The following CACNA1A variants were observed in gnomAD, a reference collection of about 807,000 sequenced individuals.
CACNA1A encodes calcium voltage-gated channel subunit alpha1 A, also known as voltage-dependent P/Q-type calcium channel subunit alpha-1A.
CACNA1A carries 57 observed loss-of-function variants against 262.4 expected under a neutral mutation model. The ratio of observed to expected loss-of-function variants is 0.22; its 90% confidence interval spans 0.18 to 0.27. The LOEUF (loss-of-function observed/expected upper bound fraction) is 0.27, where lower values mean the gene tolerates loss of function less well. Among genes scored for constraint, CACNA1A ranks in the 10% least tolerant of loss-of-function variants. CACNA1A has a pLI of 1.00. For missense variants in CACNA1A, 2,526 were observed against 3,562.8 expected, an observed-to-expected ratio of 0.71 and a Z score of 7.41; for synonymous variants, 1,431 against 1,419.3, an observed-to-expected ratio of 1.01 and a Z score of -0.18.
At chr19:13,349,185 C>G (rs2058855789) in intron 6 of CACNA1A, among the ~76,000 whole-genome samples, 1 of 152,100 alleles carries the variant, frequency 6.6e-6, no homozygotes, top group East Asian at 1.9e-4. Context: ...GTTTCCTCAT[C>G]TGGAAGATGG....
At chr19:13,311,504 T>C (rs932043224) in intron 12 of CACNA1A, among the ~76,000 whole-genome samples, 4 of 152,254 alleles carry the variant, frequency 2.6e-5, no homozygotes, top group Admixed American at 6.5e-5. Context: ...AACATAATTT[T>C]CTATAATGGC....
At chr19:13,359,542 G>A (rs2059065437) in intron 6 of CACNA1A, 64 bp downstream of exon 6, 3 of 1,321,014 alleles carry the variant, frequency 2.3e-6, no homozygotes, top group Admixed American at 3.9e-5. Flanking sequence ...GAGTCTCACT[G>A]GTCCCAGGAG....
chr19:13,331,237 GCTTT>G (rs1232049214), intron 9 of CACNA1A, among the ~76,000 whole-genome samples: 3 of 152,040 alleles, frequency 2.0e-5, no homozygotes, highest in Admixed American at 1.3e-4. Context: ...TGTCTAACCA[GCTTT>G]CTTTCTTTTT....
chr19:13,420,072 C>A (rs895161545), intron 3 of CACNA1A, among the ~76,000 whole-genome samples: 3 of 151,726 alleles, frequency 2.0e-5, no homozygotes, highest in Non-Finnish European at 4.4e-5. Flanking sequence ...CAGAGCGGGA[C>A]TCTATCTCAA....
At chr19:13,299,394 A>C in intron 18 of CACNA1A, 41 bp from the exon 19 acceptor site, 1 of 1,575,450 alleles carries the variant, frequency 6.3e-7, no homozygotes, top group Non-Finnish European at 8.6e-7. Context: ...ATTGCTAGGC[A>C]CTGTAGCTTG....
intron 1 of CACNA1A, among the ~76,000 whole-genome samples, chr19:13,471,159 C>G (rs1203277647): frequency 1.3e-5 from 2 of 152,144 alleles, no homozygotes; most frequent in African/African-American, 4.8e-5. Flanking sequence ...CATGGAATCT[C>G]GAGTCCACTG....
In CACNA1A at chr19:13,227,547, AAAAAAC is replaced by A. The variant is rs754077643; in HGVS notation, c.5529-26_5529-21del. The A allele has an allele frequency of 3.7e-5, 55 of 1,496,710 alleles. No homozygotes were observed. The highest frequency in any genetic ancestry group is 9.7e-5 in the African/African-American group (7 of 71,900). 92.7% of individuals were successfully genotyped at this position (1,496,710 alleles called of 1,614,324 possible). On this transcript the variant is annotated intron_variant, in intron 36 of 46. Coordinates refer to ENST00000360228, the MANE Select transcript of CACNA1A (RefSeq NM_001127222.2). ...CGGCCCCTGGCAGCACCGAAAATGA[AAAAAAC>A]AAAAACAAAAACAAAAAAACAAAAC...
At chr19:13,385,331 G>A (rs1399777157) in intron 3 of CACNA1A, among the ~76,000 whole-genome samples, 1 of 150,552 alleles carries the variant, frequency 6.6e-6, no homozygotes, top group East Asian at 2.0e-4. Context: ...CCAGGTTCAA[G>A]CGATTCTCCT....
chr19:13,503,375 A>G (rs1194711543), intron 1 of CACNA1A, among the ~76,000 whole-genome samples: 1 of 151,964 alleles, frequency 6.6e-6, no homozygotes, highest in Non-Finnish European at 1.5e-5. Context: ...GTAAAAATCT[A>G]TGCATCTGAA....
intron 10 of CACNA1A, among the ~76,000 whole-genome samples, chr19:13,327,713 C>A (rs1386961756): frequency 6.6e-6 from 1 of 151,736 alleles, no homozygotes; most frequent in Non-Finnish European, 1.5e-5. Context: ...GCTGGGATTA[C>A]AGGCTCACGC....
At chr19:13,281,124 T>C (rs887353625) in intron 22 of CACNA1A, among the ~76,000 whole-genome samples, 1 of 151,936 alleles carries the variant, frequency 6.6e-6, no homozygotes, top group Non-Finnish European at 1.5e-5. Flanking sequence ...TACATGCCTG[T>C]AATTCCAGAG....
At chr19:13,496,048 CCA>C (rs1981476067) in intron 1 of CACNA1A, among the ~76,000 whole-genome samples, 2 of 5,006 alleles carry the variant, frequency 4.0e-4, no homozygotes, top group Non-Finnish European at 1.8e-3. Context: ...GTTCAACCAT[CCA>C]TCCATCCATC....
chr19:13,506,357 C>T lies in CACNA1A; in HGVS notation c.-133G>A. ...GCGGCTGGAGCTACGACTGCGGAGA[C>T]GCTCCACGGCCCAGCCCATCGGGCG... is the stretch of plus-strand genomic sequence containing the variant. On this transcript the variant is annotated 5_prime_UTR_variant, in exon 1 of 47. Coordinates refer to ENST00000360228, the MANE Select transcript of CACNA1A (RefSeq NM_001127222.2). 1.3e-6 allele frequency: 1 copy of T among 774,062 alleles called. No homozygotes were observed. Among genetic ancestry groups the T allele is most frequent in the Non-Finnish European group, 1.8e-6 (1 of 542,894 alleles). The allele number at this position is 774,062 out of a possible 1,614,324, so 47.9% of individuals were successfully genotyped here.
chr19:13,207,911 C>T lies in CACNA1A; in HGVS notation c.6923G>A (p.Gly2308Asp). ...CTGCTGCTGCTGCGGGGGCCCCGAG[C>T]CGCCGGCCTTACGGATCACAGGGGA... is the stretch of plus-strand genomic sequence containing the variant. ...SYSPVIRKAGGSGPPQQQQQQ... is the reference protein window; with the variant it reads ...SYSPVIRKAGDSGPPQQQQQQ... The change falls in exon 47 of 47, where the codon GGC becomes GAC. Residue 2308 changes from glycine to aspartate, a missense_variant. By Grantham distance (94) the Gly-to-Asp change is moderately conservative. Around this residue, in one of 17 missense-constraint regions of CACNA1A, gnomAD observed 929 missense variants for 868.1 expected, o/e 1.07. Transcript: ENST00000360228. This position sits in a 1 kb window ranked among gnomAD's most constrained non-coding sequence, Gnocchi z 5.7. The T allele has an allele frequency of 2.0e-6, 3 of 1,466,216 alleles. No homozygotes were observed. The highest frequency in any genetic ancestry group is 1.4e-5 in the South Asian group (1 of 72,850). 90.8% of individuals were successfully genotyped at this position (1,466,216 alleles called of 1,614,324 possible).
At position 13,224,826 on chromosome 19, in the gene CACNA1A, C is replaced by T. The variant is rs2055375086; in HGVS notation, c.5626-54G>A. 3.7e-6 allele frequency: 5 copies of T among 1,359,310 alleles called. No individual in the cohort carries two copies. The South Asian group carries it at 3.7e-5, about 10-fold the overall frequency. 84.2% of individuals were successfully genotyped at this position (1,359,310 alleles called of 1,614,324 possible). On this transcript the variant is annotated intron_variant, in intron 37 of 46. Transcript: ENST00000360228. Reference sequence around the variant, plus strand: ...ATTCCCAGGCATCCCTCCTGGGTCTCCCGTGAGCCGCGCCCGCCCCTACCC... The same window carrying T: ...ATTCCCAGGCATCCCTCCTGGGTCTTCCGTGAGCCGCGCCCGCCCCTACCC...
At chr19:13,261,292 T>C (rs2056728620) in intron 26 of CACNA1A, 158 bp downstream of exon 26, 1 of 619,486 alleles carries the variant, frequency 1.6e-6, no homozygotes, top group South Asian at 2.5e-5. Flanking sequence ...CTAAAACCGG[T>C]TTTCTTTCTA....
chr19:13,263,682 A>C (rs1021749543), intron 24 of CACNA1A, among the ~76,000 whole-genome samples: 22 of 151,834 alleles, frequency 1.4e-4, no homozygotes, highest in African/African-American at 5.1e-4. Flanking sequence ...CACCATGCCC[A>C]GCTAACTTTT....
At chr19:13,447,301 G>A (rs1013867042) in intron 3 of CACNA1A, among the ~76,000 whole-genome samples, 1 of 152,202 alleles carries the variant, frequency 6.6e-6, no homozygotes, top group Non-Finnish European at 1.5e-5. Context: ...TCTAGATGAA[G>A]TATTTCTCCT....
intron 24 of CACNA1A, chr19:13,271,661 C>G (rs1474909531): frequency 6.6e-6 from 1 of 152,160 alleles, no homozygotes; most frequent in Middle Eastern, 3.2e-3. Flanking sequence ...ATGGCAAAAG[C>G]TCAACAATTG....
Sources: allele counts gnomAD v4.1 joint callset (sites outside exome capture counted in the v4.1 genomes callset), GRCh38; gene constraint gnomAD v4.1.1; regional missense constraint gnomAD v4.1.1; non-coding constraint Gnocchi (gnomAD v3.1); transcripts MANE v1.5; gene names NCBI Gene and HGNC (gene_info 2026-07-23, HGNC 2026-07-21).